The following COLEC10 variants were observed in gnomAD, a reference collection of about 807,000 sequenced individuals.
The protein encoded by COLEC10 is collectin-10.
Under a neutral mutation model 28.4 loss-of-function variants are expected in COLEC10, and 22 were observed. The observed-to-expected ratio is 0.78, with a 90% CI of 0.55 to 1.11. COLEC10 has a LOEUF of 1.11. COLEC10 is among the 50% of genes least tolerant of loss of function. The probability of loss-of-function intolerance (pLI) is 0.00; values close to 1 mark genes in which losing one functional copy is unlikely to be tolerated. For missense variants in COLEC10, 361 were observed against 344.1 expected, an observed-to-expected ratio of 1.05 and a Z score of -0.39; for synonymous variants, 125 against 116.1, an observed-to-expected ratio of 1.08 and a Z score of -0.49.
chr8:119,016,560 T>C (rs1813995000), intron 2 of COLEC10, among the ~76,000 whole-genome samples: 1 of 152,118 alleles, frequency 6.6e-6, no homozygotes, highest in African/African-American at 2.4e-5. Flanking sequence ...GATTGCTGGG[T>C]CAAATGGTGT....
At chr8:119,026,097 C>T (rs1484315474) in intron 2 of COLEC10, among the ~76,000 whole-genome samples, 1 of 152,166 alleles carries the variant, frequency 6.6e-6, no homozygotes, top group East Asian at 1.9e-4. Flanking sequence ...AACATTTTCT[C>T]AGTTCTTTTC....
intron 1 of COLEC10, 93 bp downstream of exon 1, chr8:119,067,522 C>G: frequency 8.5e-7 from 1 of 1,176,340 alleles, no homozygotes; most frequent in Non-Finnish European, 1.2e-6. Context: ...ACTTTCTCTT[C>G]TCTCCTCCCT....
intron 2 of COLEC10, among the ~76,000 whole-genome samples, chr8:119,017,048 G>T (rs1326053185): frequency 2.0e-5 from 3 of 152,088 alleles, no homozygotes; most frequent in Non-Finnish European, 2.9e-5. Flanking sequence ...ATTCTAACTA[G>T]CATGAAATGC....
At chr8:119,058,274 T>C (rs1814796975) in intron 2 of COLEC10, among the ~76,000 whole-genome samples, 2 of 152,050 alleles carry the variant, frequency 1.3e-5, no homozygotes, top group African/African-American at 2.4e-5. Context: ...TTTATGGAGG[T>C]ATAAATTATA....
At chr8:119,069,689 C>T (rs1306483955) in intron 1 of COLEC10, among the ~76,000 whole-genome samples, 1 of 130,194 alleles carries the variant, frequency 7.7e-6, no homozygotes, top group Non-Finnish European at 1.6e-5. Context: ...CTACCTTGTT[C>T]CTTCATGAAT....
intron 2 of COLEC10, among the ~76,000 whole-genome samples, chr8:119,011,665 T>C (rs1813902552): frequency 6.6e-6 from 1 of 150,950 alleles, no homozygotes; most frequent in South Asian, 2.1e-4. Flanking sequence ...TTTATACAAA[T>C]GTTGCACATA....
chr8:118,975,172 C>T, the COLEC10 span, among the ~76,000 whole-genome samples: 8 of 151,914 alleles, frequency 5.3e-5, no homozygotes, highest in Admixed American at 6.6e-5. Flanking sequence ...AGGATGAAAG[C>T]GATTTACATT....
rs1340778405 is a variant in COLEC10 at position 119,106,051 on chromosome 8, A to G, written c.694A>G (p.Ser232Gly). 2 of 1,613,904 alleles carry G rather than the reference A, an allele frequency of 1.2e-6. No homozygotes were observed. Among genetic ancestry groups the G allele is most frequent in the Admixed American group, 1.7e-5 (1 of 59,956 alleles). The change falls in exon 6 of 6, where the codon AGC becomes GGC. Residue 232 changes from serine (S) to glycine (G), a missense_variant. This residue lies in a region of COLEC10 where 335 missense variants were observed against 308.5 expected (regional missense o/e 1.09). Transcript: ENST00000332843. ...AGACAACACTCCACTGCAGAACTATAGCAACTGGAATGAGGGGGAACCCAG... is the reference window on the plus strand; with the variant it reads ...AGACAACACTCCACTGCAGAACTATGGCAACTGGAATGAGGGGGAACCCAG... ...FTDNTPLQNY[S>G]NWNEGEPSDP...
At chr8:119,025,772 A>G (rs890775565) in intron 2 of COLEC10, among the ~76,000 whole-genome samples, 2 of 152,142 alleles carry the variant, frequency 1.3e-5, no homozygotes, top group Non-Finnish European at 2.9e-5. Context: ...TATAGCCCCA[A>G]TTTTACCTTG....
At chr8:119,062,831 AATT>A (rs1342155696), upstream of COLEC10, 1 of 152,140 alleles carries the variant, frequency 6.6e-6, no homozygotes, top group Non-Finnish European at 1.5e-5. Context: ...GTAAAAAAGA[AATT>A]ATTATGTGTT....
chr8:118,972,885 A>G, the COLEC10 span, among the ~76,000 whole-genome samples: 1 of 152,040 alleles, frequency 6.6e-6, no homozygotes, highest in Non-Finnish European at 1.5e-5. Context: ...GAAACTTACA[A>G]TTATGGCAGA....
At chr8:119,086,389 T>TGG (rs1554628860) in intron 1 of COLEC10, among the ~76,000 whole-genome samples, 15 of 49,310 alleles carry the variant, frequency 3.0e-4, no homozygotes, top group Non-Finnish European at 5.4e-4. Context: ...GGCGGGGAGG[T>TGG]GGGGGGGGTC....
At chr8:119,073,997 CAT>C (rs1270173182) in intron 1 of COLEC10, among the ~76,000 whole-genome samples, 1 of 151,230 alleles carries the variant, frequency 6.6e-6, no homozygotes, top group Admixed American at 6.6e-5. Context: ...TATATACACA[CAT>C]ATATATACGT....
chr8:119,023,652 A>G (rs1814135946), intron 2 of COLEC10, among the ~76,000 whole-genome samples: 1 of 152,196 alleles, frequency 6.6e-6, no homozygotes, highest in African/African-American at 2.4e-5. Context: ...AAGAGTGAAT[A>G]ACAGTAAGTA....
intron 2 of COLEC10, among the ~76,000 whole-genome samples, chr8:119,041,505 C>A (rs1814493539): frequency 6.6e-6 from 1 of 152,094 alleles, no homozygotes; most frequent in Non-Finnish European, 1.5e-5. Flanking sequence ...ATAAACTGTC[C>A]TTCCTGGGTT....
chr8:118,952,420 G>C, the COLEC10 span, among the ~76,000 whole-genome samples: 1 of 152,226 alleles, frequency 6.6e-6, no homozygotes, highest in Non-Finnish European at 1.5e-5. Context: ...CCTTCACTTC[G>C]GGTTCTGAAA....
chr8:119,043,200 C>A (rs1814528868), intron 2 of COLEC10, among the ~76,000 whole-genome samples: 1 of 152,154 alleles, frequency 6.6e-6, no homozygotes, highest in South Asian at 2.1e-4. Context: ...GTTTCTGTTT[C>A]TTATCCACCT....
intron 2 of COLEC10, among the ~76,000 whole-genome samples, chr8:119,039,578 T>C (rs576083460): frequency 4.7e-4 from 71 of 152,302 alleles, no homozygotes; most frequent in Non-Finnish European, 7.8e-4. Context: ...AGTTTCTTTT[T>C]GCTACTGTAA....
the COLEC10 span, among the ~76,000 whole-genome samples, chr8:118,977,273 T>A: frequency 6.9e-5 from 10 of 145,612 alleles, no homozygotes; most frequent in African/African-American, 2.5e-4. Flanking sequence ...GGACTATAAA[T>A]CATGCTGCTT....
Sources: gnomAD v4.1 joint callset for allele counts (sites outside exome capture counted in the v4.1 genomes callset) on GRCh38, gnomAD v4.1.1 for gene constraint, gnomAD v4.1.1 regional missense constraint, MANE v1.5 for transcripts, NCBI Gene and HGNC (gene_info 2026-07-23, HGNC 2026-07-21) for gene names.